PTPRG: variants seen among roughly 807,000 people sequenced by gnomAD.
PTPRG encodes protein tyrosine phosphatase receptor type G.
A neutral mutation model predicts 165.3 loss-of-function variants in PTPRG; 102 were observed. The ratio of observed to expected loss-of-function variants is 0.62; its 90% confidence interval spans 0.53 to 0.73. The LOEUF is 0.73. Ranked by LOEUF, PTPRG falls within the 30% of genes least tolerant of loss-of-function variation. The pLI is 0.00. For synonymous variants in PTPRG, 675 were observed against 669.5 expected, an observed-to-expected ratio of 1.01 and a Z score of -0.13; for missense variants, 1,866 against 1,861.4, an observed-to-expected ratio of 1.00 and a Z score of -0.05.
intron 4 of PTPRG, among the ~76,000 whole-genome samples, chr3:62,056,313 C>A (rs143594369): frequency 6.6e-6 from 1 of 152,198 alleles, no homozygotes; most frequent in Non-Finnish European, 1.5e-5. Flanking sequence ...TCTATTTAGT[C>A]TAAATCAAGC....
At chr3:62,102,788 C>T (rs971936646) in intron 5 of PTPRG, among the ~76,000 whole-genome samples, 1 of 152,150 alleles carries the variant, frequency 6.6e-6, no homozygotes, top group Admixed American at 6.5e-5. Context: ...TTCCCCATAT[C>T]AGGAGCATTG....
chr3:61,804,521 A>G (rs1029343219), intron 2 of PTPRG, among the ~76,000 whole-genome samples: 1 of 152,146 alleles, frequency 6.6e-6, no homozygotes, highest in Non-Finnish European at 1.5e-5. Context: ...GTATTCGGCA[A>G]CCTTTTGTAT....
At chr3:61,799,931 G>C (rs2035182377) in intron 2 of PTPRG, among the ~76,000 whole-genome samples, 1 of 152,194 alleles carries the variant, frequency 6.6e-6, no homozygotes, top group South Asian at 2.1e-4. Context: ...TCACAGTTAA[G>C]AGTATGGACA....
intron 3 of PTPRG, among the ~76,000 whole-genome samples, chr3:61,992,140 T>C (rs1041210713): frequency 6.6e-6 from 1 of 152,218 alleles, no homozygotes; most frequent in African/African-American, 2.4e-5. Context: ...CTACATAATA[T>C]TAGATAGGCC....
At chr3:61,575,066 C>T (rs1559508937) in intron 1 of PTPRG, among the ~76,000 whole-genome samples, 3 of 152,112 alleles carry the variant, frequency 2.0e-5, no homozygotes, top group Non-Finnish European at 4.4e-5. Flanking sequence ...GAGGACAGAC[C>T]GAAACCATAG....
intron 1 of PTPRG, among the ~76,000 whole-genome samples, chr3:61,670,088 C>G (rs1702928080): frequency 6.6e-6 from 1 of 152,210 alleles, no homozygotes; most frequent in Non-Finnish European, 1.5e-5. Context: ...ATATCTGCTT[C>G]ACACATAGCC....
chr3:61,784,194 G>A (rs189729550), intron 2 of PTPRG, among the ~76,000 whole-genome samples: 9 of 152,288 alleles, frequency 5.9e-5, no homozygotes, highest in African/African-American at 1.7e-4. Flanking sequence ...TGATGTCAGC[G>A]GGGCCACACT....
At chr3:62,118,857 C>T (rs1329228634) in intron 5 of PTPRG, among the ~76,000 whole-genome samples, 1 of 152,196 alleles carries the variant, frequency 6.6e-6, no homozygotes, top group Non-Finnish European at 1.5e-5. Context: ...TGGATCACAT[C>T]TTTTGGACAT....
Position 61,584,792 on chromosome 3 carries a change from T to C in PTPRG, c.85+22420T>C, listed in dbSNP as rs114298862. Among the ~76,000 whole-genome samples, 540 of 152,200 alleles carry C rather than the reference T, an allele frequency of 3.5e-3. 7 individuals are homozygous for C. Among genetic ancestry groups the C allele is most frequent in the African/African-American group, 0.012 (515 of 41,526 alleles). ...TGTCCAGCCCTCACACGGAATCTTA[T>C]TAAAAATGCAGCATCTCTGCCTGCC... On this transcript the variant is annotated intron_variant, in intron 1 of 29. Coordinates refer to ENST00000474889, the MANE Select transcript of PTPRG (RefSeq NM_002841.4).
chr3:61,941,316 A>T (rs1416008333), intron 2 of PTPRG, among the ~76,000 whole-genome samples: 2 of 152,260 alleles, frequency 1.3e-5, no homozygotes, highest in Non-Finnish European at 2.9e-5. Context: ...AGAGAGTCAG[A>T]TGATCAGTTA....
At chr3:62,186,078 G>A (rs1705870060) in intron 8 of PTPRG, among the ~76,000 whole-genome samples, 1 of 152,226 alleles carries the variant, frequency 6.6e-6, no homozygotes. Context: ...AGTGGTGTCT[G>A]CCTGCTCGCT....
At chr3:62,025,113 CAG>C (rs2041777230) in intron 4 of PTPRG, among the ~76,000 whole-genome samples, 1 of 152,112 alleles carries the variant, frequency 6.6e-6, no homozygotes, top group Non-Finnish European at 1.5e-5. Flanking sequence ...GCAGTGAAGT[CAG>C]AGTTAGACAC....
chr3:61,817,176 T>A (rs1449828736), intron 2 of PTPRG, among the ~76,000 whole-genome samples: 1 of 121,098 alleles, frequency 8.3e-6, no homozygotes, highest in East Asian at 2.4e-4. Context: ...TATAATAATA[T>A]ATAATATATA....
chr3:61,907,448 C>CA (rs1559681698), intron 2 of PTPRG, among the ~76,000 whole-genome samples: 2 of 152,188 alleles, frequency 1.3e-5, no homozygotes, highest in African/African-American at 4.8e-5. Context: ...CTGCCTCCAT[C>CA]AGTCATGTCG....
chr3:62,125,429 GA>G (rs1703252680), intron 5 of PTPRG, among the ~76,000 whole-genome samples: 1 of 152,124 alleles, frequency 6.6e-6, no homozygotes, highest in Non-Finnish European at 1.5e-5. Flanking sequence ...TCCAGGGAAT[GA>G]AAAAACAAGG....
intron 8 of PTPRG, among the ~76,000 whole-genome samples, chr3:62,181,989 A>G (rs571020355): frequency 5.9e-5 from 9 of 152,352 alleles, no homozygotes; most frequent in East Asian, 5.8e-4. Context: ...TACACAGTCA[A>G]TTAACACATA....
chr3:61,995,046 G>GT (rs751667692), intron 3 of PTPRG, among the ~76,000 whole-genome samples: 422 of 126,672 alleles, frequency 3.3e-3, no homozygotes, highest in African/African-American at 4.9e-3. Context: ...TACCTTACAG[G>GT]TTTTTTTTTT....
chr3:62,277,499 G>A (rs1576213179), intron 25 of PTPRG, 52 bp from the exon 26 acceptor site: 1 of 1,577,684 alleles, frequency 6.3e-7, no homozygotes, highest in East Asian at 2.2e-5. Context: ...CTACCACAAA[G>A]TTAGAATAAA....
chr3:61,758,553 A>C (rs1226161219), intron 2 of PTPRG, among the ~76,000 whole-genome samples: 1 of 152,026 alleles, frequency 6.6e-6, no homozygotes, highest in Non-Finnish European at 1.5e-5. Context: ...CTGGGTTCAA[A>C]CAATTCTCTT....
Sources: gnomAD v4.1 joint callset for allele counts (sites outside exome capture counted in the v4.1 genomes callset) on GRCh38, gnomAD v4.1.1 for gene constraint, MANE v1.5 for transcripts, NCBI Gene and HGNC (gene_info 2026-07-23, HGNC 2026-07-21) for gene names.